The following PTRH1 variants were observed in gnomAD, a reference collection of about 807,000 sequenced individuals.
The protein encoded by PTRH1 is peptidyl-tRNA hydrolase 1 homolog, also known as peptidyl-tRNA hydrolase.
A neutral mutation model predicts 15.7 loss-of-function variants in PTRH1; 13 were observed. That is an observed-to-expected ratio of 0.83 (90% confidence interval 0.54 to 1.31). The LOEUF is 1.31. PTRH1 is among the 40% of genes most tolerant of loss of function. The pLI is 0.00. For synonymous variants in PTRH1, 139 were observed against 136.7 expected, an observed-to-expected ratio of 1.02 and a Z score of -0.12; for missense variants, 319 against 296.2, an observed-to-expected ratio of 1.08 and a Z score of -0.56.
chr9:127,694,967 G>C lies in PTRH1; in HGVS notation c.380C>G (p.Ser127Ter), dbSNP rs949370409. Residue 127 changes from serine to a stop codon, truncating the protein, a stop_gained, in exon 2 of 3, where the codon TCA (serine) becomes TGA (stop). Transcript: ENST00000335223. LOFTEE classifies it low-confidence loss of function (END_TRUNC). The stretch of plus-strand genomic sequence containing the variant: ...CCTTGGCCTCTTTCCACATGATCCT[G>C]ACAGGTGACTTTGTTCCCTCCTGTA... 1.3e-5 allele frequency: 9 copies of C among 702,694 alleles called. No individual in the cohort carries two copies. The highest frequency in any genetic ancestry group is 2.3e-5 in the Non-Finnish European group (9 of 384,834). 43.5% of individuals were successfully genotyped at this position (702,694 alleles called of 1,614,324 possible).
chr9:127,703,834 C>A (rs1172215743), intron 1 of PTRH1, among the ~76,000 whole-genome samples: 3 of 152,196 alleles, frequency 2.0e-5, no homozygotes, highest in Non-Finnish European at 4.4e-5. Context: ...AGGGCCCAAG[C>A]ATTCTCAACC....
chr9:127,694,951 C>T (rs1417215487), exon 2 of PTRH1: 2 of 702,120 alleles, frequency 2.8e-6, no homozygotes, highest in South Asian at 3.0e-5. Context: ...CCCTTGGCCT[C>T]TTTCCACATG....
chr9:127,714,091 C>A lies in PTRH1; in HGVS notation c.*9G>T. 6.2e-7 allele frequency: 1 copy of A among 1,610,838 alleles called. No homozygotes were observed. The highest frequency in any genetic ancestry group is 8.5e-7 in the Non-Finnish European group (1 of 1,178,828). Reference sequence around the variant, plus strand: ...ACTACAGTCAGGCAGGCAGCCATGGCCACTAGTGTCACGGCCCCAGTGAGG... The same window carrying A: ...ACTACAGTCAGGCAGGCAGCCATGGACACTAGTGTCACGGCCCCAGTGAGG... On this transcript the variant is annotated 3_prime_UTR_variant, in exon 5 of 5. Coordinates refer to ENST00000543175, the MANE Select transcript of PTRH1 (RefSeq NM_001002913.3).
In PTRH1 at chr9:127,701,445, T is replaced by C. The variant is rs150375818; in HGVS notation, c.206-6304A>G. ...TAAAGAAAGGGAATGAATGAATGAATGAATGAATGAAGGCACTTAATCAAG... is the reference window on the plus strand; with the variant it reads ...TAAAGAAAGGGAATGAATGAATGAACGAATGAATGAAGGCACTTAATCAAG... On this transcript the variant is annotated intron_variant, in intron 1 of 2. Transcript: ENST00000335223. Among the ~76,000 whole-genome samples, 1,432 of 152,264 alleles carry C rather than the reference T, an allele frequency of 9.4e-3. 21 individuals are homozygous for C. The highest frequency in any genetic ancestry group is 0.032 in the African/African-American group (1,331 of 41,550).
At chr9:127,710,549 C>T (rs1842741137), downstream of PTRH1, 4 of 1,550,838 alleles carry the variant, frequency 2.6e-6, no homozygotes, top group Admixed American at 2.0e-5. Flanking sequence ...CCTCGCCAGG[C>T]CCTGTCCTCT....
intron 2 of PTRH1, among the ~76,000 whole-genome samples, chr9:127,694,288 A>G (rs1842535342): frequency 6.6e-6 from 1 of 152,148 alleles, no homozygotes; most frequent in South Asian, 2.1e-4. Context: ...ACGAGATCCA[A>G]GACTGGAATT....
chr9:127,706,116 G>A (rs1842644759), intron 1 of PTRH1, among the ~76,000 whole-genome samples: 1 of 152,230 alleles, frequency 6.6e-6, no homozygotes, highest in Admixed American at 6.5e-5. Context: ...CACAGAGCAG[G>A]GTTCAGGCCA....
intron 1 of PTRH1, among the ~76,000 whole-genome samples, chr9:127,704,201 G>A (rs956854720): frequency 6.6e-6 from 1 of 152,130 alleles, no homozygotes; most frequent in African/African-American, 2.4e-5. Flanking sequence ...CAACATGTGA[G>A]AGTACATAAA....
At chr9:127,701,294 G>A (rs953774761) in intron 1 of PTRH1, among the ~76,000 whole-genome samples, 10 of 152,090 alleles carry the variant, frequency 6.6e-5, no homozygotes, top group Non-Finnish European at 1.0e-4. Flanking sequence ...TCAAGTTAAC[G>A]TATCATAGTA....
At chr9:127,714,925 A>AACCCCACCCCCC in intron 2 of PTRH1, 50 bp downstream of exon 2, 1 of 313,268 alleles carries the variant, frequency 3.2e-6, no homozygotes, top group Non-Finnish European at 5.7e-6. Flanking sequence ...CCCGCGCCCC[A>AACCCCACCCCCC]ACCCCCACCC....
chr9:127,702,184 TA>T (rs1336092493), intron 1 of PTRH1, among the ~76,000 whole-genome samples: 1 of 151,964 alleles, frequency 6.6e-6, no homozygotes, highest in Non-Finnish European at 1.5e-5. Flanking sequence ...CCATCCTGGC[TA>T]ACACGGTGAA....
intron 1 of PTRH1, chr9:127,706,961 T>C: frequency 4.5e-6 from 7 of 1,561,464 alleles, no homozygotes; most frequent in East Asian, 4.5e-5. Context: ...CCTGTTGCTA[T>C]GTACGGGACC....
intron 1 of PTRH1, among the ~76,000 whole-genome samples, chr9:127,706,299 CA>C (rs1441935183): frequency 2.6e-5 from 4 of 152,140 alleles, no homozygotes; most frequent in Non-Finnish European, 5.9e-5. Context: ...GCCCCTGCCC[CA>C]AGGGTCCTAC....
At chr9:127,698,014 G>T (rs1842575436) in intron 1 of PTRH1, among the ~76,000 whole-genome samples, 1 of 152,138 alleles carries the variant, frequency 6.6e-6, no homozygotes, top group Non-Finnish European at 1.5e-5. Flanking sequence ...CTCAGAGTGG[G>T]AAAAAACTGT....
At chr9:127,710,390 T>G (rs558247754), downstream of PTRH1, among the ~76,000 whole-genome samples, 1 of 151,646 alleles carries the variant, frequency 6.6e-6, no homozygotes, top group South Asian at 2.1e-4. Flanking sequence ...CTTCATAAGA[T>G]TCATGGAGGG....
At chr9:127,711,930 G>C, downstream of PTRH1, 1 of 1,606,420 alleles carries the variant, frequency 6.2e-7, no homozygotes, top group Non-Finnish European at 8.5e-7. Context: ...TGCAGCTGCA[G>C]GTGGATAACC....
In PTRH1 at chr9:127,714,067, C is replaced by T. The variant is rs754570027; in HGVS notation, c.*33G>A. The T allele has an allele frequency of 1.9e-6, 3 of 1,605,556 alleles. No homozygotes were observed. The highest frequency in any genetic ancestry group is 2.2e-5 in the East Asian group (1 of 44,548). On this transcript the variant is annotated 3_prime_UTR_variant, in exon 5 of 5. Coordinates refer to ENST00000543175, the MANE Select transcript of PTRH1 (RefSeq NM_001002913.3). Reference sequence around the variant, plus strand: ...GTGGCAGTGGCTGGGTTGGTGGGCACTACAGTCAGGCAGGCAGCCATGGCC... The same window carrying T: ...GTGGCAGTGGCTGGGTTGGTGGGCATTACAGTCAGGCAGGCAGCCATGGCC...
At chr9:127,698,021 CTGTT>C (rs928939317) in intron 1 of PTRH1, among the ~76,000 whole-genome samples, 8 of 152,176 alleles carry the variant, frequency 5.3e-5, no homozygotes, top group Non-Finnish European at 8.8e-5. Context: ...TGGGAAAAAA[CTGTT>C]TGCAAATCAC....
At position 127,715,317 on chromosome 9, in the gene PTRH1, G is replaced by A. The variant is rs1174083828; in HGVS notation, c.97-123C>T. On this transcript the variant is annotated intron_variant, in intron 1 of 4. Coordinates refer to ENST00000543175, the MANE Select transcript of PTRH1 (RefSeq NM_001002913.3). This position sits in a 1 kb window ranked among gnomAD's most constrained non-coding sequence, Gnocchi z 5.8. ...AGCAACGCTGCAGTGGGGAAGGGGC[G>A]CGAAGAAGGGGCCCAGAAACCCGAC... is the stretch of plus-strand genomic sequence containing the variant. 2 of 1,299,460 alleles carry A rather than the reference G, an allele frequency of 1.5e-6. No homozygotes were observed. Among genetic ancestry groups the A allele is most frequent in the East Asian group, 2.5e-5 (1 of 39,834 alleles). The allele number at this position is 1,299,460 out of a possible 1,614,324, so 80.5% of individuals were successfully genotyped here.
Sources: allele counts gnomAD v4.1 joint callset (sites outside exome capture counted in the v4.1 genomes callset), GRCh38; gene constraint gnomAD v4.1.1; non-coding constraint Gnocchi (gnomAD v3.1); transcripts MANE v1.5; gene names NCBI Gene and HGNC (gene_info 2026-07-23, HGNC 2026-07-21).